The following KTN1 variants were observed in gnomAD, a reference collection of about 807,000 sequenced individuals.
The protein encoded by KTN1 is kinectin 1.
KTN1 carries 130 observed loss-of-function variants against 222.5 expected under a neutral mutation model. The observed-to-expected ratio is 0.58, with a 90% CI of 0.51 to 0.68. The LOEUF (loss-of-function observed/expected upper bound fraction) is 0.68. Ranked by LOEUF, KTN1 falls within the 30% of genes least tolerant of loss-of-function variation. The pLI, the probability that KTN1 is intolerant of heterozygous loss-of-function variation, is 0.00. For synonymous variants in KTN1, 512 were observed against 496.3 expected (o/e 1.03, Z -0.42); for missense variants, 1,508 against 1,500.4 (o/e 1.01, Z -0.08).
rs533127413 is a variant in KTN1 at position 55,619,546 on chromosome 14, G to A, written c.963+234G>A. Among the ~76,000 whole-genome samples, 6 of 152,288 alleles carry A rather than the reference G, an allele frequency of 3.9e-5. No individual in the cohort carries two copies. The South Asian group carries it at 1.2e-3, about 32-fold the overall frequency. On this transcript the variant is annotated intron_variant, in intron 5 of 43. Transcript: ENST00000395314. ...AGAAAAAGAGTTTAAATGGCTCACA[G>A]TTCTACGTGGCTGGGGAGGCCTCAC...
chr14:55,639,869 C>A, intron 13 of KTN1, 44 bp from the exon 14 acceptor site: 1 of 1,224,416 alleles, frequency 8.2e-7, no homozygotes, highest in Non-Finnish European at 1.2e-6. Context: ...TGATTTGTGA[C>A]TTCTGAATGT....
intron 40 of KTN1, 39 bp downstream of exon 40, chr14:55,673,294 T>C: frequency 7.7e-7 from 1 of 1,298,232 alleles, no homozygotes; most frequent in Non-Finnish European, 1.1e-6. Context: ...AAGTAGGCAC[T>C]GAAAACACTT....
chr14:55,651,754 AAC>A, intron 24 of KTN1, 134 bp from the exon 25 acceptor site: 1 of 611,780 alleles, frequency 1.6e-6, no homozygotes, highest in Non-Finnish European at 2.9e-6. Flanking sequence ...GTAAACTCAA[AAC>A]ACATCTCATT....
intron 39 of KTN1, 79 bp from the exon 40 acceptor site, chr14:55,673,093 T>A (rs958366997): frequency 1.3e-6 from 2 of 1,500,338 alleles, no homozygotes; most frequent in East Asian, 4.5e-5. Flanking sequence ...ATAAGTTGTT[T>A]GTGGCAGAGC....
At chr14:55,623,424 G>A (rs1197452159) in intron 5 of KTN1, among the ~76,000 whole-genome samples, 1 of 152,204 alleles carries the variant, frequency 6.6e-6, no homozygotes, top group Non-Finnish European at 1.5e-5. Flanking sequence ...CTGTCACCCA[G>A]GCTGGAGTGC....
intron 29 of KTN1, among the ~76,000 whole-genome samples, chr14:55,658,032 T>C (rs1031915441): frequency 1.3e-5 from 2 of 152,178 alleles, no homozygotes; most frequent in Non-Finnish European, 2.9e-5. Flanking sequence ...ATTGTAACCA[T>C]TAAAAAGAGA....
chr14:55,604,554 C>T (rs981660195), intron 1 of KTN1, among the ~76,000 whole-genome samples: 1 of 152,120 alleles, frequency 6.6e-6, no homozygotes, highest in Admixed American at 6.5e-5. Context: ...CCCTCCTTAT[C>T]ACTATTCTTG....
Position 55,655,036 on chromosome 14 carries a change from T to C in KTN1, c.2802-1006T>C, listed in dbSNP as rs186803840. Among the ~76,000 whole-genome samples the C allele has an allele frequency of 2.9e-3, 442 of 152,248 alleles. 1 individual carries two copies. The highest frequency in any genetic ancestry group is 5.0e-3 in the Admixed American group (77 of 15,296). On this transcript the variant is annotated intron_variant, in intron 28 of 43. Coordinates refer to ENST00000395314, the MANE Select transcript of KTN1 (RefSeq NM_001079521.2). ...TCTCTGTGGCCCAGGCTGGAGTACA[T>C]GGAGTGCAGGGCTGTGATCATGGCT...
Position 55,612,033 on chromosome 14 carries a change from C to G in KTN1, c.-16C>G. 7.3e-7 allele frequency: 1 copy of G among 1,368,266 alleles called. No homozygotes were observed. Among genetic ancestry groups the G allele is most frequent in the Non-Finnish European group, 9.6e-7 (1 of 1,043,236 alleles). The allele number at this position is 1,368,266 out of a possible 1,614,324, so 84.8% of individuals were successfully genotyped here. A position where few individuals can be genotyped will look rare whatever the true frequency, so the allele number is the denominator to read the frequency against. ...TCCCTATTTAGGTTTTATAGGATCA[C>G]ATTGACAAAAGTACCATGGAGTTTT... On this transcript the variant is annotated 5_prime_UTR_variant, in exon 2 of 44. Transcript: ENST00000395314.
intron 7 of KTN1, 23 bp downstream of exon 7, chr14:55,630,120 C>T (rs1380665760): frequency 3.7e-6 from 6 of 1,603,952 alleles, no homozygotes; most frequent in Admixed American, 1.7e-5. Context: ...TCTTTGGAAA[C>T]AAGATGAAAT....
chr14:55,607,243 G>A (rs1050794421), intron 1 of KTN1: 2 of 152,158 alleles, frequency 1.3e-5, no homozygotes, highest in Admixed American at 6.6e-5. Context: ...AGGAGAGCGA[G>A]TAAATAGAAT....
chr14:55,678,461 TC>T lies in KTN1; in HGVS notation c.3948+21del. ...CCAGAAACGGTATGTATTTTCTTCA[TC>T]CCCAGATCTCTGAGCTAGTTACCTT... is the stretch of plus-strand genomic sequence containing the variant. On this transcript the variant is annotated intron_variant, in intron 42 of 43. Transcript: ENST00000395314. The T allele has an allele frequency of 6.8e-7, 1 of 1,477,622 alleles. No homozygotes were observed. Among genetic ancestry groups the T allele is most frequent in the Non-Finnish European group, 9.5e-7 (1 of 1,055,686 alleles). 91.5% of individuals were successfully genotyped at this position (1,477,622 alleles called of 1,614,324 possible).
Position 55,636,566 on chromosome 14 carries a change from T to C in KTN1, c.1549+30T>C, listed in dbSNP as rs1346959602. On this transcript the variant is annotated intron_variant, in intron 10 of 43. Transcript: ENST00000395314. ...GGGGAAGAAGTATTCATGTAAACTT[T>C]GTATATAATTTTGGGTAAAATTTCC... The C allele has an allele frequency of 2.0e-6, 3 of 1,536,560 alleles. No individual in the cohort carries two copies. The South Asian group carries it at 3.6e-5, about 19-fold the overall frequency.
In KTN1 at chr14:55,652,936, T is replaced by C; in HGVS notation, c.2690T>C (p.Leu897Ser). 1 of 1,608,560 alleles carries C rather than the reference T, an allele frequency of 6.2e-7. No individual in the cohort carries two copies. The highest frequency in any genetic ancestry group is 1.1e-5 in the South Asian group (1 of 90,498). ...GACCTAGCCAATACAGGGAAGTGGT[T>C]ACAGGTGAGAAATTAAAAACAATAA... Reference protein sequence around the residue: ...EKDLANTGKWLQDLQEENESL... With the variant: ...EKDLANTGKWSQDLQEENESL... Residue 897 changes from leucine to serine, a missense_variant, in exon 26 of 44, where the codon TTA becomes TCA. Physicochemically the swap from Leu to Ser is moderately radical, Grantham distance 145. Coordinates refer to ENST00000395314, the MANE Select transcript of KTN1 (RefSeq NM_001079521.2).
intron 6 of KTN1, among the ~76,000 whole-genome samples, chr14:55,629,571 C>T (rs1280541717): frequency 6.6e-6 from 1 of 151,928 alleles, no homozygotes. Flanking sequence ...CCTTCTAGGC[C>T]TTTTTTCCCT....
intron 1 of KTN1, among the ~76,000 whole-genome samples, chr14:55,599,378 T>C (rs939802236): frequency 2.0e-5 from 3 of 152,202 alleles, no homozygotes; most frequent in Non-Finnish European, 4.4e-5. Context: ...ACGGACTAGA[T>C]TGGACAGAGG....
In KTN1 at chr14:55,653,006, T is replaced by C. The variant is rs781334734; in HGVS notation, c.2695-11T>C. On this transcript the variant is annotated splice_polypyrimidine_tract_variant and intron_variant, in intron 26 of 43. Transcript: ENST00000395314. The stretch of plus-strand genomic sequence containing the variant: ...TGACTATCAATTTAATTTACACCTA[T>C]TCTTTTTAAGGATCTTCAAGAAGAA... 1 of 1,596,632 alleles carries C rather than the reference T, an allele frequency of 6.3e-7. No individual in the cohort carries two copies.
intron 18 of KTN1, 129 bp downstream of exon 18, chr14:55,641,889 C>G: frequency 1.5e-6 from 1 of 649,092 alleles, no homozygotes; most frequent in South Asian, 1.9e-5. Flanking sequence ...TATTGCCTTT[C>G]TATTCATCCT....
rs867467472 is a variant in KTN1, at chr14:55,590,966, G to A, written c.-31+10612G>A. 2.4e-4 allele frequency among the ~76,000 whole-genome samples: 36 copies of A among 152,270 alleles called. 1 individual carries two copies. The highest frequency in any genetic ancestry group is 5.9e-5 in the Non-Finnish European group (4 of 68,018). On this transcript the variant is annotated intron_variant, in intron 1 of 43. Coordinates refer to ENST00000395314, the MANE Select transcript of KTN1 (RefSeq NM_001079521.2). ...TGGGATTACAGGCATGAGCCACCAT[G>A]CCCGGCCCAGGATATTCTTTCACCA... is the stretch of plus-strand genomic sequence containing the variant.
Sources: gnomAD v4.1 joint callset for allele counts (sites outside exome capture counted in the v4.1 genomes callset) on GRCh38, gnomAD v4.1.1 for gene constraint, MANE v1.5 for transcripts, NCBI Gene and HGNC (gene_info 2026-07-23, HGNC 2026-07-21) for gene names.